TAFA4: variants seen among roughly 807,000 people sequenced by gnomAD.
TAFA4 encodes the protein chemokine-like protein TAFA-4.
A neutral mutation model predicts 21.1 loss-of-function variants in TAFA4; 20 were observed. The ratio of observed to expected loss-of-function variants is 0.95; its 90% CI spans 0.67 to 1.38. The LOEUF (loss-of-function observed/expected upper bound fraction) is 1.38. TAFA4 is among the 40% of genes most tolerant of loss of function. The pLI, the probability that TAFA4 is intolerant of heterozygous loss-of-function variation, is 0.00. For synonymous variants in TAFA4, 71 were observed against 67.4 expected (o/e 1.05, Z -0.26); for missense variants, 211 against 180.9 (o/e 1.17, Z -0.95).
chr3:68,748,788 T>G (rs1433943879), intron 4 of TAFA4, among the ~76,000 whole-genome samples: 1 of 152,110 alleles, frequency 6.6e-6, no homozygotes, highest in East Asian at 1.9e-4. Context: ...ATCAAAAAAT[T>G]TTTTAAATAG....
At chr3:68,874,956 C>G (rs1483098710) in intron 3 of TAFA4, among the ~76,000 whole-genome samples, 1 of 152,140 alleles carries the variant, frequency 6.6e-6, no homozygotes, top group Non-Finnish European at 1.5e-5. Context: ...TTATTAAAAG[C>G]TGAGCCCATC....
chr3:68,770,053 T>C (rs1702924185), intron 3 of TAFA4, among the ~76,000 whole-genome samples: 1 of 152,030 alleles, frequency 6.6e-6, no homozygotes, highest in Admixed American at 6.5e-5. Context: ...CATAGGACTA[T>C]GCCCAACCTC....
At chr3:68,791,416 C>T (rs947898358) in intron 3 of TAFA4, among the ~76,000 whole-genome samples, 32 of 152,156 alleles carry the variant, frequency 2.1e-4, no homozygotes, top group Middle Eastern at 3.4e-3. Flanking sequence ...TGCTGGAAGA[C>T]GCAAAAAGGA....
At chr3:68,752,834 A>G (rs1346788038) in intron 4 of TAFA4, 29 bp downstream of exon 4, 2 of 1,613,870 alleles carry the variant, frequency 1.2e-6, no homozygotes, top group African/African-American at 2.7e-5. Flanking sequence ...TTTTTGAAAT[A>G]CCAGAGATGC....
chr3:68,776,187 A>G (rs1214110607), intron 3 of TAFA4, among the ~76,000 whole-genome samples: 2 of 152,166 alleles, frequency 1.3e-5, no homozygotes, highest in South Asian at 2.1e-4. Context: ...AATAATTATA[A>G]TCCAGGGTAA....
At chr3:68,917,988 T>G (rs927132311) in intron 1 of TAFA4, among the ~76,000 whole-genome samples, 10 of 152,176 alleles carry the variant, frequency 6.6e-5, no homozygotes, top group Middle Eastern at 3.2e-3. Context: ...CATTTTCACA[T>G]AGTCATCAAT....
chr3:68,904,455 GAT>G (rs1458279065), intron 1 of TAFA4, among the ~76,000 whole-genome samples: 4 of 152,226 alleles, frequency 2.6e-5, no homozygotes, highest in African/African-American at 9.6e-5. Flanking sequence ...CATTATGAAA[GAT>G]AAAATGCGTA....
At chr3:68,819,274 TAAAAAAAAAA>T (rs59090610) in intron 3 of TAFA4, among the ~76,000 whole-genome samples, 2 of 109,346 alleles carry the variant, frequency 1.8e-5, no homozygotes, top group Non-Finnish European at 2.0e-5. Flanking sequence ...TGTCTTTAAT[TAAAAAAAAAA>T]AAAAAAAAAA....
intron 1 of TAFA4, among the ~76,000 whole-genome samples, chr3:68,892,895 A>C (rs961497465): frequency 2.0e-5 from 3 of 152,228 alleles, no homozygotes; most frequent in Admixed American, 6.5e-5. Flanking sequence ...AAAACTGAAA[A>C]CTTAGCTGGC....
intron 1 of TAFA4, chr3:68,913,460 G>A (rs2089977837): frequency 1.3e-5 from 2 of 152,230 alleles, no homozygotes; most frequent in Non-Finnish European, 1.5e-5. Context: ...GCATGGAGGA[G>A]GTGGTACCGC....
At chr3:68,747,917 C>A (rs1467663943) in intron 4 of TAFA4, among the ~76,000 whole-genome samples, 1 of 152,158 alleles carries the variant, frequency 6.6e-6, no homozygotes, top group East Asian at 1.9e-4. Flanking sequence ...CCAGACCAAG[C>A]TACTTCTAGT....
At chr3:68,762,653 G>A (rs1702777945) in intron 3 of TAFA4, among the ~76,000 whole-genome samples, 1 of 152,226 alleles carries the variant, frequency 6.6e-6, no homozygotes, top group Non-Finnish European at 1.5e-5. Context: ...ACCAGGTGCT[G>A]TCCTGTTAAG....
chr3:68,906,796 G>A (rs925857714), intron 1 of TAFA4, among the ~76,000 whole-genome samples: 1 of 152,096 alleles, frequency 6.6e-6, no homozygotes, highest in African/African-American at 2.4e-5. Flanking sequence ...TTGGGAGGCC[G>A]AGGCGGGTGG....
chr3:68,832,146 CTTG>C (rs1260352658), intron 3 of TAFA4, among the ~76,000 whole-genome samples: 5 of 151,766 alleles, frequency 3.3e-5, no homozygotes, highest in Admixed American at 3.3e-4. Context: ...GCTTGGAGAG[CTTG>C]TTATTACCCA....
intron 1 of TAFA4, among the ~76,000 whole-genome samples, chr3:68,931,052 C>G (rs1304297557): frequency 6.6e-6 from 1 of 152,178 alleles, no homozygotes; most frequent in Non-Finnish European, 1.5e-5. Flanking sequence ...TCAGTGTGCA[C>G]AAGTTTGGGT....
At position 68,753,035 on chromosome 3, in the gene TAFA4, G is replaced by T. The variant is rs374609099; in HGVS notation, c.131-17C>A. The T allele has an allele frequency of 2.5e-6, 4 of 1,608,730 alleles. No homozygotes were observed. The highest frequency in any genetic ancestry group is 3.4e-6 in the Non-Finnish European group (4 of 1,176,478). ...GGTGGTGACCTAGTTGGTAATGGGG[G>T]AGAAAAACAAACCCAGTGCTGTTAG... On this transcript the variant is annotated splice_polypyrimidine_tract_variant and intron_variant, in intron 3 of 5. Coordinates refer to ENST00000295569, the MANE Select transcript of TAFA4 (RefSeq NM_182522.5).
At chr3:68,794,179 G>A (rs1703413950) in intron 3 of TAFA4, among the ~76,000 whole-genome samples, 1 of 152,174 alleles carries the variant, frequency 6.6e-6, no homozygotes, top group East Asian at 1.9e-4. Context: ...TGGAATTCAT[G>A]TTTTAAGGAG....
At chr3:68,830,319 G>C (rs1395028393) in intron 3 of TAFA4, among the ~76,000 whole-genome samples, 1 of 152,092 alleles carries the variant, frequency 6.6e-6, no homozygotes, top group East Asian at 1.9e-4. Context: ...TCTCTTGTGG[G>C]CATTTAGTGC....
intron 3 of TAFA4, among the ~76,000 whole-genome samples, chr3:68,770,798 G>C (rs1184856092): frequency 6.6e-6 from 1 of 152,204 alleles, no homozygotes; most frequent in Non-Finnish European, 1.5e-5. Flanking sequence ...GAAGGGTGGG[G>C]TCCCGGCGAG....
Sources: gnomAD v4.1 joint callset for allele counts (sites outside exome capture counted in the v4.1 genomes callset) on GRCh38, gnomAD v4.1.1 for gene constraint, MANE v1.5 for transcripts, NCBI Gene and HGNC (gene_info 2026-07-23, HGNC 2026-07-21) for gene names.